GPM6A: variants seen among roughly 807,000 people sequenced by gnomAD.
The protein encoded by GPM6A is neuronal membrane glycoprotein M6-a.
GPM6A carries 7 observed loss-of-function variants against 32.1 expected under a neutral mutation model. That is an observed-to-expected ratio of 0.22 (90% CI 0.12 to 0.41). The LOEUF (loss-of-function observed/expected upper bound fraction) is 0.41. Ranked by LOEUF, GPM6A falls within the 10% of genes least tolerant of loss-of-function variation. The pLI, the probability that GPM6A is intolerant of heterozygous loss-of-function variation, is 1.00. For synonymous variants in GPM6A, 130 were observed against 123.4 expected (o/e 1.05, Z -0.35); for missense variants, 235 against 347.2 (o/e 0.68, Z 2.57).
At chr4:175,843,469 C>T (rs73008150) in intron 1 of GPM6A, among the ~76,000 whole-genome samples, 3,854 of 152,176 alleles carry the variant, frequency 0.025, 150 homozygotes, top group African/African-American at 0.085. Context: ...ACTGAAATGC[C>T]GAGTGACCCT....
intron 1 of GPM6A, among the ~76,000 whole-genome samples, chr4:175,808,977 T>C (rs1734806546): frequency 6.6e-6 from 1 of 152,166 alleles, no homozygotes; most frequent in African/African-American, 2.4e-5. Context: ...TACAGTTTTG[T>C]TGCTCCCTTT....
intron 1 of GPM6A, among the ~76,000 whole-genome samples, chr4:175,904,554 C>G (rs189768007): frequency 2.6e-5 from 4 of 152,144 alleles, no homozygotes. Context: ...ACCTCCAGAA[C>G]AGTCAAAAGT....
intron 1 of GPM6A, among the ~76,000 whole-genome samples, chr4:175,702,945 A>G (rs1560885052): frequency 6.6e-6 from 1 of 152,190 alleles, no homozygotes; most frequent in Non-Finnish European, 1.5e-5. Context: ...AAAATGAGAA[A>G]GACACTGGCA....
Position 175,850,369 on chromosome 4 carries a change from G to A in GPM6A, c.-22-38120C>T, listed in dbSNP as rs927668163. ...GAACATTTTGTGAGTGCAGACACAA[G>A]AAGTTTAGGAAAACAAAATCGTGGA... On this transcript the variant is annotated intron_variant, in intron 1 of 7. Coordinates refer to the GPM6A transcript ENST00000280187. Among the ~76,000 whole-genome samples, 38 of 152,262 alleles carry A rather than the reference G, an allele frequency of 2.5e-4. 3 individuals are homozygous for A. The highest frequency in any genetic ancestry group is 1.9e-3 in the Admixed American group (29 of 15,282).
At chr4:175,876,547 T>G (rs1737090139) in intron 1 of GPM6A, among the ~76,000 whole-genome samples, 1 of 152,140 alleles carries the variant, frequency 6.6e-6, no homozygotes, top group Non-Finnish European at 1.5e-5. Context: ...GTCTTTTGAG[T>G]TCCATGGTAA....
At chr4:175,859,577 A>G (rs1161750043) in intron 1 of GPM6A, among the ~76,000 whole-genome samples, 2 of 152,180 alleles carry the variant, frequency 1.3e-5, no homozygotes, top group East Asian at 1.9e-4. Flanking sequence ...GAAGTACAGA[A>G]AGGTGAATGT....
intron 1 of GPM6A, among the ~76,000 whole-genome samples, chr4:175,801,934 A>G (rs910292814): frequency 7.2e-5 from 11 of 152,108 alleles, no homozygotes; most frequent in Admixed American, 2.6e-4. Flanking sequence ...ATGATATGAA[A>G]GAACCACATG....
chr4:175,869,699 G>A (rs1191872569), intron 1 of GPM6A, among the ~76,000 whole-genome samples: 1 of 152,066 alleles, frequency 6.6e-6, no homozygotes, highest in African/African-American at 2.4e-5. Flanking sequence ...ATAGGTTGCA[G>A]TGAGCCGAGA....
In GPM6A at chr4:175,701,579, T is replaced by C. The variant is rs755226339; in HGVS notation, c.226A>G (p.Thr76Ala). 24 of 1,610,722 alleles carry C rather than the reference T, an allele frequency of 1.5e-5. No homozygotes were observed. The highest frequency in any genetic ancestry group is 2.0e-5 in the Non-Finnish European group (24 of 1,177,044). The change falls in exon 2 of 7, where the codon ACC becomes GCC. Residue 76 changes from threonine to alanine, a missense_variant. By Grantham distance (58) the Thr-to-Ala change is moderately conservative. Coordinates refer to ENST00000393658, the MANE Select transcript of GPM6A (RefSeq NM_201591.3). ...RTAGDTLDVFTMIDIFKYVIY... is the reference protein window; with the variant it reads ...RTAGDTLDVFAMIDIFKYVIY... ...AGAAATACTAGAGTGACTTACATGGTAAAAACATCCAGTGTGTCTCCAGCA... is the reference window on the plus strand; with the variant it reads ...AGAAATACTAGAGTGACTTACATGGCAAAAACATCCAGTGTGTCTCCAGCA...
chr4:175,822,432 C>T (rs1450808591), intron 1 of GPM6A, among the ~76,000 whole-genome samples: 1 of 152,088 alleles, frequency 6.6e-6, no homozygotes, highest in African/African-American at 2.4e-5. Flanking sequence ...TACTGTATAG[C>T]AGTTAATGAT....
intron 1 of GPM6A, among the ~76,000 whole-genome samples, chr4:175,811,564 T>C (rs1250347814): frequency 6.6e-6 from 1 of 152,170 alleles, no homozygotes; most frequent in South Asian, 2.1e-4. Flanking sequence ...ATAAAAAAAT[T>C]TCCTTTAACA....
chr4:175,962,569 C>T (rs1740200899), intron 1 of GPM6A: 2 of 345,650 alleles, frequency 5.8e-6, no homozygotes, highest in Admixed American at 3.6e-5. Context: ...GCCTCCTGTA[C>T]TCATTACTAC....
intron 2 of GPM6A, among the ~76,000 whole-genome samples, chr4:175,698,233 A>G (rs529579805): frequency 3.9e-5 from 6 of 152,304 alleles, no homozygotes; most frequent in African/African-American, 1.4e-4. Flanking sequence ...CCAGTAAACA[A>G]GCTTCTTTTC....
intron 1 of GPM6A, among the ~76,000 whole-genome samples, chr4:175,734,373 A>G (rs1731566110): frequency 1.3e-5 from 2 of 152,020 alleles, no homozygotes; most frequent in Admixed American, 1.3e-4. Context: ...TCTCTGTGCA[A>G]TAATTATTAA....
At chr4:175,649,132 G>C (rs1409344271) in intron 4 of GPM6A, among the ~76,000 whole-genome samples, 1 of 152,182 alleles carries the variant, frequency 6.6e-6, no homozygotes, top group Non-Finnish European at 1.5e-5. Flanking sequence ...CTGCTGGGTA[G>C]CTATATCCCT....
At chr4:175,824,757 A>G (rs1379120302) in intron 1 of GPM6A, among the ~76,000 whole-genome samples, 1 of 152,026 alleles carries the variant, frequency 6.6e-6, no homozygotes, top group African/African-American at 2.4e-5. Flanking sequence ...CTAGGCACAT[A>G]TTTTTTTCTT....
At chr4:175,663,694 ATT>A (rs34558330) in intron 3 of GPM6A, among the ~76,000 whole-genome samples, 59 of 141,358 alleles carry the variant, frequency 4.2e-4, no homozygotes, top group Middle Eastern at 3.7e-3. Flanking sequence ...TAAAATGTAA[ATT>A]TTTTTTTTTT....
intron 2 of GPM6A, among the ~76,000 whole-genome samples, chr4:175,685,413 G>A (rs1041484147): frequency 1.3e-5 from 2 of 152,192 alleles, no homozygotes; most frequent in South Asian, 2.1e-4. Context: ...AGTTTTGAAC[G>A]TTTCTTGTTA....
intron 1 of GPM6A, among the ~76,000 whole-genome samples, chr4:175,774,394 C>T (rs1031662722): frequency 3.3e-5 from 5 of 152,024 alleles, no homozygotes; most frequent in African/African-American, 1.2e-4. Context: ...AATCTAAATC[C>T]TTCAAATACT....
Sources: allele counts gnomAD v4.1 joint callset (sites outside exome capture counted in the v4.1 genomes callset), GRCh38; gene constraint gnomAD v4.1.1; transcripts MANE v1.5; gene names NCBI Gene and HGNC (gene_info 2026-07-23, HGNC 2026-07-21).